Variants in GRIN2B observed in about 807,000 individuals in gnomAD.
The protein encoded by GRIN2B is glutamate ionotropic receptor NMDA type subunit 2B.
In GRIN2B, 5 loss-of-function variants were observed where a neutral mutation model predicts 114.5. The observed-to-expected ratio is 0.04, with a 90% CI of 0.02 to 0.09. The LOEUF is 0.09. Among genes scored for constraint, GRIN2B ranks in the 10% least tolerant of loss-of-function variants. GRIN2B has a pLI of 1.00. For synonymous variants in GRIN2B, 787 were observed against 745.1 expected (o/e 1.06, Z -0.92); for missense variants, 1,108 against 1,943.5 (o/e 0.57, Z 8.08).
At chr12:13,599,006 C>T (rs1949114459) in intron 10 of GRIN2B, among the ~76,000 whole-genome samples, 1 of 152,182 alleles carries the variant, frequency 6.6e-6, no homozygotes, top group African/African-American at 2.4e-5. Flanking sequence ...GGCTTGCCTG[C>T]TCGTTTTCTT....
chr12:13,771,043 A>G (rs1413337846), intron 3 of GRIN2B, among the ~76,000 whole-genome samples: 1 of 152,198 alleles, frequency 6.6e-6, no homozygotes, highest in Non-Finnish European at 1.5e-5. Flanking sequence ...CTTGAATTGT[A>G]GCTCCCAAAA....
At chr12:13,742,682 C>T (rs779081072) in intron 4 of GRIN2B, among the ~76,000 whole-genome samples, 5 of 152,214 alleles carry the variant, frequency 3.3e-5, no homozygotes, top group Admixed American at 3.3e-4. Context: ...CTGCCTGCCT[C>T]GGCCTCCCAA....
At position 13,667,378 on chromosome 12, in the gene GRIN2B, C is replaced by T. The variant is rs77684822; in HGVS notation, c.1125+8367G>A. The stretch of plus-strand genomic sequence containing the variant: ...ATGTGTCCCCTGATTGTTCCAGAAT[C>T]GATATAAACAAACCAATTCCCAAAT... On this transcript the variant is annotated intron_variant, in intron 5 of 13. Transcript: ENST00000609686. Among the ~76,000 whole-genome samples the T allele has an allele frequency of 2.0e-4, 30 of 152,118 alleles. No individual in the cohort carries two copies. The East Asian group carries it at 4.8e-3, about 25-fold the overall frequency.
At chr12:13,678,810 C>T (rs1950100987) in intron 4 of GRIN2B, among the ~76,000 whole-genome samples, 1 of 152,116 alleles carries the variant, frequency 6.6e-6, no homozygotes, top group Non-Finnish European at 1.5e-5. Context: ...AACCATGAGA[C>T]AGGATATTTT....
chr12:13,550,809 GCT>G lies in GRIN2B; in HGVS notation c.*11972_*11973del, dbSNP rs1484409551. The G allele has an allele frequency of 7.2e-5, 11 of 152,166 alleles. No individual in the cohort carries two copies. Among genetic ancestry groups the G allele is most frequent in the Admixed American group, 6.5e-4 (10 of 15,272 alleles). The allele number at this position is 152,166 out of a possible 1,614,324, so 9.4% of individuals were successfully genotyped here. On this transcript the variant is annotated 3_prime_UTR_variant, in exon 14 of 14. Coordinates refer to ENST00000609686, the MANE Select transcript of GRIN2B (RefSeq NM_000834.5). The stretch of plus-strand genomic sequence containing the variant: ...CATTAAGTACCATGCACGTGTTCGA[GCT>G]CTGTGCTCACTCAACTTCTCATCCT...
At chr12:13,832,009 G>A (rs1204039020) in intron 3 of GRIN2B, among the ~76,000 whole-genome samples, 2 of 152,170 alleles carry the variant, frequency 1.3e-5, no homozygotes, top group South Asian at 2.1e-4. Flanking sequence ...GTGGTGAAGG[G>A]CAGTGGGGGG....
chr12:13,894,866 T>TA lies in GRIN2B; in HGVS notation c.-18-28641dup, dbSNP rs1289446654. Among the ~76,000 whole-genome samples, 5 of 152,160 alleles carry TA rather than the reference T, an allele frequency of 3.3e-5. No individual in the cohort carries two copies. The East Asian group carries it at 9.6e-4, about 29-fold the overall frequency. On this transcript the variant is annotated intron_variant, in intron 2 of 13. Transcript: ENST00000609686. ...TGAAATATTTACTCCATTAGTTGGA[T>TA]AAAATTAAGTGCCTAAATCTGTCTA...
At chr12:13,816,918 T>C (rs1049262941) in intron 3 of GRIN2B, among the ~76,000 whole-genome samples, 1 of 152,128 alleles carries the variant, frequency 6.6e-6, no homozygotes, top group Non-Finnish European at 1.5e-5. Flanking sequence ...AAAATACAAA[T>C]CTTGCCAAGC....
chr12:13,617,718 T>C lies in GRIN2B; in HGVS notation c.1126-1061A>G, dbSNP rs12305933. 6.3e-3 allele frequency among the ~76,000 whole-genome samples: 954 copies of C among 152,338 alleles called. 8 individuals are homozygous for C. Among genetic ancestry groups the C allele is most frequent in the African/African-American group, 0.022 (908 of 41,588 alleles). On this transcript the variant is annotated intron_variant, in intron 5 of 13. Transcript: ENST00000609686. ...GATTTCCTCCATGCAGCAATGCAAA[T>C]TAGTAGAACAGGTGAGGCACCAGGA...
rs1948618412 is a variant in GRIN2B at position 13,564,915 on chromosome 12, G to A, written c.2599-276C>T. ...TTGAGCAAAGGGACTGGAATCATAA[G>A]ATATGGCATTTTTGCCTCAGCTTCA... On this transcript the variant is annotated intron_variant, in intron 13 of 13. Transcript: ENST00000609686. The surrounding 1 kb of genome is among the most constrained non-coding windows in gnomAD (Gnocchi z 4.8). Among the ~76,000 whole-genome samples, 1 of 152,218 alleles carries A rather than the reference G, an allele frequency of 6.6e-6. No individual in the cohort carries two copies. Among genetic ancestry groups the A allele is most frequent in the South Asian group, 2.1e-4 (1 of 4,832 alleles).
chr12:13,659,586 T>C (rs1949899570), intron 5 of GRIN2B, among the ~76,000 whole-genome samples: 1 of 152,186 alleles, frequency 6.6e-6, no homozygotes, highest in African/African-American at 2.4e-5. Context: ...TACTTAAAGA[T>C]GTCTCTCTAC....
intron 8 of GRIN2B, among the ~76,000 whole-genome samples, chr12:13,612,696 T>A (rs1591641161): frequency 1.3e-5 from 2 of 152,356 alleles, no homozygotes; most frequent in South Asian, 4.1e-4. Flanking sequence ...CCAATTGAGC[T>A]AAATATCTCT....
At chr12:13,625,816 C>T (rs762920140) in intron 5 of GRIN2B, among the ~76,000 whole-genome samples, 1 of 152,182 alleles carries the variant, frequency 6.6e-6, no homozygotes, top group Non-Finnish European at 1.5e-5. Context: ...TGAATTTACC[C>T]AAGGTCTTGA....
At chr12:13,579,626 C>T (rs1289833356) in intron 10 of GRIN2B, among the ~76,000 whole-genome samples, 1 of 152,184 alleles carries the variant, frequency 6.6e-6, no homozygotes, top group Non-Finnish European at 1.5e-5. Context: ...AACTGAAGAA[C>T]TCTGCCAGAA....
At chr12:13,582,767 A>T (rs547689771) in intron 10 of GRIN2B, among the ~76,000 whole-genome samples, 9 of 152,194 alleles carry the variant, frequency 5.9e-5, no homozygotes, top group African/African-American at 1.9e-4. Context: ...ACTGGAACTT[A>T]TTCTCCTGTC....
At chr12:13,571,157 C>T (rs1329043575) in intron 11 of GRIN2B, among the ~76,000 whole-genome samples, 1 of 152,198 alleles carries the variant, frequency 6.6e-6, no homozygotes, top group East Asian at 1.9e-4. Flanking sequence ...AGAAAATCAG[C>T]TACGAGACCC....
rs1404662393 is a variant in GRIN2B, at chr12:13,754,018, C to G, written c.412-103G>C. ...TGGGTACAAAGATTTGTGTTCATTA[C>G]TTATTTTTATATAATGCCTTTACAA... is the stretch of plus-strand genomic sequence containing the variant. On this transcript the variant is annotated intron_variant, in intron 3 of 13. Transcript: ENST00000609686. The G allele has an allele frequency of 7.1e-6, 5 of 706,176 alleles. No homozygotes were observed. In the African/African-American group the frequency reaches 9.0e-5, roughly 13 times the overall value. The allele number at this position is 706,176 out of a possible 1,614,324, so 43.7% of individuals were successfully genotyped here. A position where few individuals can be genotyped will look rare whatever the true frequency, so the allele number is the denominator to read the frequency against.
intron 4 of GRIN2B, among the ~76,000 whole-genome samples, chr12:13,739,458 G>A (rs965379592): frequency 8.0e-5 from 12 of 149,930 alleles, no homozygotes; most frequent in African/African-American, 2.9e-4. Context: ...CTATTTTACT[G>A]GGATTACTTT....
intron 2 of GRIN2B, among the ~76,000 whole-genome samples, chr12:13,892,316 T>C (rs10492141): frequency 0.29 from 43,441 of 152,140 alleles, 6,604 homozygotes; most frequent in Middle Eastern, 0.34. Context: ...GAGTTCTAAT[T>C]TGTATTTTAT....
Sources: gnomAD v4.1 joint callset for allele counts (sites outside exome capture counted in the v4.1 genomes callset) on GRCh38, gnomAD v4.1.1 for gene constraint, Gnocchi (gnomAD v3.1) non-coding constraint, MANE v1.5 for transcripts, NCBI Gene and HGNC (gene_info 2026-07-23, HGNC 2026-07-21) for gene names.